RTL4: variants seen among roughly 807,000 people sequenced by gnomAD.
The protein encoded by RTL4 is retrotransposon Gag-like protein 4.
A neutral mutation model predicts 5.3 loss-of-function variants in RTL4; 4 were observed. That is an observed-to-expected ratio of 0.75 (90% CI 0.37 to 1.72). RTL4 has a LOEUF of 1.72. Among genes scored for constraint, RTL4 ranks in the 40% most tolerant of loss-of-function variants. The pLI is 0.04. For missense variants in RTL4, 260 were observed against 227.1 expected (o/e 1.14, Z -0.93); for synonymous variants, 98 against 87.3 (o/e 1.12, Z -0.68).
At chrX:112,110,127 G>A in the RTL4 span, among the ~76,000 whole-genome samples, 8 of 111,873 alleles carry the variant, frequency 7.2e-5, no homozygotes, top group African/African-American at 9.8e-5. Context: ...TTTGAAAGGC[G>A]TTGTCTGATT....
At chrX:112,335,389 C>A in the RTL4 span, among the ~76,000 whole-genome samples, 1 of 111,378 alleles carries the variant, frequency 9.0e-6, no homozygotes, top group Non-Finnish European at 1.9e-5. Flanking sequence ...AACAAAAACA[C>A]CAAACTTTAG....
chrX:112,439,142 T>A, the RTL4 span, among the ~76,000 whole-genome samples: 1 of 111,395 alleles, frequency 9.0e-6, no homozygotes, highest in African/African-American at 3.3e-5. Context: ...ACTCATAAGG[T>A]CGTGAGGGCT....
the RTL4 span, among the ~76,000 whole-genome samples, chrX:112,350,501 T>A: frequency 2.4e-3 from 263 of 110,837 alleles, 1 homozygote; most frequent in African/African-American, 7.7e-3. Flanking sequence ...TCCTGGACTC[T>A]TTTTGGTTGG....
At chrX:112,313,159 AT>A in the RTL4 span, among the ~76,000 whole-genome samples, 3 of 110,084 alleles carry the variant, frequency 2.7e-5, no homozygotes, top group South Asian at 3.8e-4. Flanking sequence ...TAGAAAGGAC[AT>A]TTTTTTTTCT....
the RTL4 span, among the ~76,000 whole-genome samples, chrX:112,169,067 TCTTTTTTCTTTCTTTCTTTTCTTTC>T: frequency 0.016 from 598 of 38,082 alleles, 7 homozygotes; most frequent in African/African-American, 0.038. Context: ...TTTCTTTCTT[TCTTTTTTCTTTCTTTCTTTTCTTTC>T]TTTCTTTCTT....
chrX:112,280,312 G>A, the RTL4 span, among the ~76,000 whole-genome samples: 5,969 of 110,743 alleles, frequency 0.054, 394 homozygotes, highest in African/African-American at 0.19. Context: ...GGGAACTACT[G>A]GAAGAGGAAG....
At chrX:112,103,872 C>T in the RTL4 span, among the ~76,000 whole-genome samples, 1 of 110,966 alleles carries the variant, frequency 9.0e-6, no homozygotes, top group Non-Finnish European at 1.9e-5. Flanking sequence ...TTAACACATG[C>T]ATTACCTCAT....
the RTL4 span, among the ~76,000 whole-genome samples, chrX:112,110,183 C>T: frequency 1.8e-5 from 2 of 111,763 alleles, no homozygotes; most frequent in African/African-American, 6.5e-5. Context: ...TCATACTATC[C>T]CTGACTGGTT....
At chrX:112,235,015 A>G in the RTL4 span, among the ~76,000 whole-genome samples, 2 of 111,177 alleles carry the variant, frequency 1.8e-5, no homozygotes, top group Non-Finnish European at 3.8e-5. Flanking sequence ...AGAGCTTATG[A>G]TTCAGACATT....
At chrX:112,291,619 C>T in the RTL4 span, among the ~76,000 whole-genome samples, 8 of 108,444 alleles carry the variant, frequency 7.4e-5, no homozygotes, top group East Asian at 2.9e-4. Context: ...TTTTTTTTGA[C>T]GGAGTCTTGC....
the RTL4 span, among the ~76,000 whole-genome samples, chrX:112,166,728 G>A: frequency 4.5e-5 from 5 of 111,815 alleles, no homozygotes; most frequent in African/African-American, 1.6e-4. Context: ...CCACTTACTA[G>A]CTGAATTATC....
chrX:112,231,727 TA>T, the RTL4 span, among the ~76,000 whole-genome samples: 5 of 110,629 alleles, frequency 4.5e-5, no homozygotes, highest in Non-Finnish European at 7.6e-5. Flanking sequence ...ATAATAATAA[TA>T]AAAAAATTGC....
At chrX:112,302,670 CAGTT>C in the RTL4 span, among the ~76,000 whole-genome samples, 1 of 112,151 alleles carries the variant, frequency 8.9e-6, no homozygotes, top group African/African-American at 3.2e-5. Context: ...ATGTGGTACT[CAGTT>C]AGTATTCAGT....
At chrX:112,125,381 C>A in the RTL4 span, among the ~76,000 whole-genome samples, 1 of 111,704 alleles carries the variant, frequency 9.0e-6, no homozygotes, top group African/African-American at 3.3e-5. Flanking sequence ...TAAAACCTTA[C>A]CTCACACACA....
the RTL4 span, among the ~76,000 whole-genome samples, chrX:112,263,297 GC>G: frequency 9.0e-6 from 1 of 110,841 alleles, no homozygotes; most frequent in African/African-American, 3.3e-5. Context: ...CACCTAGGGG[GC>G]TAAGGTGAGA....
the RTL4 span, among the ~76,000 whole-genome samples, chrX:112,428,666 G>C: frequency 9.0e-6 from 1 of 111,653 alleles, no homozygotes; most frequent in Non-Finnish European, 1.9e-5. Context: ...CAATTGTATA[G>C]AGTCGTTTGA....
At chrX:112,106,632 T>G in the RTL4 span, among the ~76,000 whole-genome samples, 1 of 112,090 alleles carries the variant, frequency 8.9e-6, no homozygotes, top group Non-Finnish European at 1.9e-5. Context: ...TACTTTATAC[T>G]TCCACCAGCA....
chrX:112,380,609 C>T, the RTL4 span, among the ~76,000 whole-genome samples: 2 of 112,289 alleles, frequency 1.8e-5, no homozygotes, highest in Non-Finnish European at 3.8e-5. Context: ...ATTTCCGGGG[C>T]CCCGCCCACC....
the RTL4 span, among the ~76,000 whole-genome samples, chrX:112,401,220 TC>T: frequency 9.0e-6 from 1 of 111,655 alleles, no homozygotes; most frequent in Non-Finnish European, 1.9e-5. Context: ...TTCTCTTAGT[TC>T]CTGTGACATG....
Sources: gnomAD v4.1 joint callset for allele counts (sites outside exome capture counted in the v4.1 genomes callset) on GRCh38, gnomAD v4.1.1 for gene constraint, MANE v1.5 for transcripts, NCBI Gene and HGNC (gene_info 2026-07-23, HGNC 2026-07-21) for gene names.